The following ZNF723 variants were observed in gnomAD, a reference collection of about 807,000 sequenced individuals.
The protein encoded by ZNF723 is zinc finger protein 723, also known as zinc finger protein 723, pseudogene.
In ZNF723, 5 loss-of-function variants were observed where a neutral mutation model predicts 9.4. The ratio of observed to expected loss-of-function variants is 0.53; its 90% CI spans 0.28 to 1.12. The LOEUF (loss-of-function observed/expected upper bound fraction) is 1.12, where lower values mean the gene tolerates loss of function less well. Ranked by LOEUF, ZNF723 falls within the 50% of genes most tolerant of loss-of-function variation. The pLI, the probability that ZNF723 is intolerant of heterozygous loss-of-function variation, is 0.10. For missense variants in ZNF723, 450 were observed against 501.5 expected (o/e 0.90, Z 0.98); for synonymous variants, 158 against 168.8 (o/e 0.94, Z 0.49).
In ZNF723 at chr19:22,858,592, C is replaced by CCT; in HGVS notation, c.*159_*160insCT. 2.1e-6 allele frequency: 1 copy of CCT among 472,992 alleles called. No individual in the cohort carries two copies. Among genetic ancestry groups the CCT allele is most frequent in the Non-Finnish European group, 3.7e-6 (1 of 272,710 alleles). The allele number at this position is 472,992 out of a possible 1,614,324, so 29.3% of individuals were successfully genotyped here. On this transcript the variant is annotated 3_prime_UTR_variant, in exon 4 of 4. Coordinates refer to ENST00000600766, the MANE Select transcript of ZNF723 (RefSeq NM_001349726.2). Reference sequence around the variant, plus strand: ...AGACCAACCTAACATGGTGAAACAACGTCTCTACTAAAATACAAAAAAAAT... The same window carrying CCT: ...AGACCAACCTAACATGGTGAAACAACCTGTCTCTACTAAAATACAAAAAAAAT...
chr19:22,826,718 C>A, the ZNF723 span, among the ~76,000 whole-genome samples: 1 of 152,162 alleles, frequency 6.6e-6, no homozygotes, highest in Admixed American at 6.5e-5. Flanking sequence ...AACTGTCATA[C>A]CTGGATCCAA....
chr19:22,815,243 G>A, the ZNF723 span, among the ~76,000 whole-genome samples: 1 of 152,080 alleles, frequency 6.6e-6, no homozygotes, highest in Non-Finnish European at 1.5e-5. Context: ...GCTCTGGCTT[G>A]CCCACAAGGG....
the ZNF723 span, among the ~76,000 whole-genome samples, chr19:22,813,223 C>T: frequency 1.3e-5 from 2 of 152,130 alleles, no homozygotes. Flanking sequence ...AGAAATGGGA[C>T]ATGTGTAAGA....
the ZNF723 span, among the ~76,000 whole-genome samples, chr19:22,818,676 C>G: frequency 6.6e-6 from 1 of 152,160 alleles, no homozygotes; most frequent in African/African-American, 2.4e-5. Context: ...TGCCCAGTAC[C>G]TGAGTGATTT....
the ZNF723 span, among the ~76,000 whole-genome samples, chr19:22,819,516 C>T: frequency 6.6e-6 from 1 of 152,106 alleles, no homozygotes; most frequent in Non-Finnish European, 1.5e-5. Flanking sequence ...TTTGACAGGA[C>T]TGTGATATGT....
At chr19:22,848,582 C>T (rs567391918) in intron 2 of ZNF723, among the ~76,000 whole-genome samples, 195 bp downstream of exon 2, 73 of 152,212 alleles carry the variant, frequency 4.8e-4, no homozygotes, top group Non-Finnish European at 9.7e-4. Context: ...TTGATCTGAA[C>T]TTTCCACATT....
the ZNF723 span, among the ~76,000 whole-genome samples, chr19:22,812,280 T>C: frequency 6.6e-6 from 1 of 152,122 alleles, no homozygotes; most frequent in Non-Finnish European, 1.5e-5. Context: ...CAACATGACA[T>C]TTCTTGTGTG....
chr19:22,833,255 C>T (rs914769606), intron 1 of ZNF723, among the ~76,000 whole-genome samples: 2 of 152,066 alleles, frequency 1.3e-5, no homozygotes, highest in Non-Finnish European at 2.9e-5. Context: ...CTGTTTCAAG[C>T]GATTCTCCTG....
intron 3 of ZNF723, among the ~76,000 whole-genome samples, chr19:22,854,059 C>T (rs74343644): frequency 0.018 from 2,021 of 113,372 alleles, 42 homozygotes; most frequent in African/African-American, 0.06. Context: ...CAGAAAGTGG[C>T]GTATTAAAAT....
the ZNF723 span, among the ~76,000 whole-genome samples, chr19:22,813,515 G>C: frequency 4.6e-5 from 7 of 152,128 alleles, no homozygotes; most frequent in Middle Eastern, 3.4e-3. Flanking sequence ...ATATATTCCT[G>C]GGTCCCAAAC....
At chr19:22,831,544 G>A (rs556300343), upstream of ZNF723, among the ~76,000 whole-genome samples, 1 of 151,020 alleles carries the variant, frequency 6.6e-6, no homozygotes, top group African/African-American at 2.4e-5. Context: ...GCAACAGAGC[G>A]AGACTCCGTA....
the ZNF723 span, among the ~76,000 whole-genome samples, chr19:22,824,385 C>T: frequency 5.9e-5 from 9 of 152,008 alleles, no homozygotes; most frequent in Admixed American, 6.6e-5. Flanking sequence ...CCTGTCCTAG[C>T]ATCCAAGTGA....
At chr19:22,844,175 T>TTTTA (rs1473483477) in intron 1 of ZNF723, among the ~76,000 whole-genome samples, 3 of 152,236 alleles carry the variant, frequency 2.0e-5, no homozygotes, top group African/African-American at 7.2e-5. Context: ...AAAGTATGTA[T>TTTTA]TTTAATGTCT....
At chr19:22,822,403 C>T in the ZNF723 span, among the ~76,000 whole-genome samples, 10 of 152,312 alleles carry the variant, frequency 6.6e-5, no homozygotes, top group Admixed American at 6.5e-4. Context: ...CTGGACCTAG[C>T]CAATAGGAGA....
In ZNF723 at chr19:22,857,068, C is replaced by T. The variant is rs188012899; in HGVS notation, c.227-50C>T. On this transcript the variant is annotated intron_variant, in intron 3 of 3. Coordinates refer to ENST00000600766, the MANE Select transcript of ZNF723 (RefSeq NM_001349726.2). Reference sequence around the variant, plus strand: ...TATAGCTTAGATTTGTAAAGTATATCCATCTGAGTCTAGTAAGATGAAGTA... The same window carrying T: ...TATAGCTTAGATTTGTAAAGTATATTCATCTGAGTCTAGTAAGATGAAGTA... 1.1e-5 allele frequency: 7 copies of T among 666,274 alleles called. No homozygotes were observed. In the Admixed American group the frequency reaches 1.9e-4, roughly 18 times the overall value. 41.3% of individuals were successfully genotyped at this position (666,274 alleles called of 1,614,324 possible).
intron 3 of ZNF723, among the ~76,000 whole-genome samples, chr19:22,854,528 TTAA>T (rs901464326): frequency 9.9e-5 from 8 of 80,670 alleles, no homozygotes; most frequent in African/African-American, 5.3e-4. Flanking sequence ...AAACAAAAAC[TTAA>T]TAATGTTTTA....
rs531379365 is a variant in ZNF723 at position 22,846,811 on chromosome 19, T to A, written c.4-1450T>A. On this transcript the variant is annotated intron_variant, in intron 1 of 3. Coordinates refer to ENST00000600766, the MANE Select transcript of ZNF723 (RefSeq NM_001349726.2). ...GTATGGTTGCATTCAGCCTATAATT[T>A]CCTTTTTTTTTTTTTTTTTTTTTTT... Among the ~76,000 whole-genome samples, 97 of 141,790 alleles carry A rather than the reference T, an allele frequency of 6.8e-4. 1 individual carries two copies. The highest frequency in any genetic ancestry group is 6.5e-4 in the Non-Finnish European group (43 of 65,792). 93.0% of individuals were successfully genotyped at this position (141,790 alleles called of 152,430 possible).
At chr19:22,843,836 A>G (rs1283579610) in intron 1 of ZNF723, among the ~76,000 whole-genome samples, 1 of 152,118 alleles carries the variant, frequency 6.6e-6, no homozygotes, top group Non-Finnish European at 1.5e-5. Context: ...TAAATTGCTT[A>G]TTAGTATGCA....
the ZNF723 span, among the ~76,000 whole-genome samples, chr19:22,819,729 A>G: frequency 6.6e-6 from 1 of 152,182 alleles, no homozygotes; most frequent in Non-Finnish European, 1.5e-5. Context: ...ACCTATTTTC[A>G]GGGGGTGTTG....
Sources: gnomAD v4.1 joint callset for allele counts (sites outside exome capture counted in the v4.1 genomes callset) on GRCh38, gnomAD v4.1.1 for gene constraint, MANE v1.5 for transcripts, NCBI Gene and HGNC (gene_info 2026-07-23, HGNC 2026-07-21) for gene names.